Variants in PCSK1 observed in about 807,000 individuals in gnomAD.
The protein encoded by PCSK1 is neuroendocrine convertase 1.
A neutral mutation model predicts 90.6 loss-of-function variants in PCSK1; 56 were observed. The ratio of observed to expected loss-of-function variants is 0.62; its 90% CI spans 0.50 to 0.77. PCSK1 has a LOEUF of 0.77. PCSK1 is among the 30% of genes least tolerant of loss of function. The probability of loss-of-function intolerance (pLI) is 0.00; values close to 1 mark genes in which losing one functional copy is unlikely to be tolerated. For synonymous variants in PCSK1, 348 were observed against 342.4 expected (o/e 1.02, Z -0.18); for missense variants, 801 against 932.6 (o/e 0.86, Z 1.84).
At chr5:96,400,334 T>C (rs1301053052) in intron 9 of PCSK1, 148 bp from the exon 10 acceptor site, 1 of 674,508 alleles carries the variant, frequency 1.5e-6, no homozygotes, top group African/African-American at 1.8e-5. Flanking sequence ...TTACTGTTCA[T>C]ATATCTTTTC....
rs1580739908 is a variant in PCSK1, at chr5:96,391,161, C to T, written c.*1840G>A. The T allele has an allele frequency of 6.6e-6, 1 of 152,184 alleles. No individual in the cohort carries two copies. The highest frequency in any genetic ancestry group is 2.4e-5 in the African/African-American group (1 of 41,444). 9.4% of individuals were successfully genotyped at this position (152,184 alleles called of 1,614,324 possible). A position where few individuals can be genotyped will look rare whatever the true frequency, so the allele number is the denominator to read the frequency against. On this transcript the variant is annotated 3_prime_UTR_variant, in exon 14 of 14. Transcript: ENST00000311106. ...AACTTCCAAGGACAGAGTGATTCCG[C>T]AAGTCTTTTAGGAGAACATTCTCTA...
chr5:96,422,911 T>C (rs1331381844), intron 4 of PCSK1, among the ~76,000 whole-genome samples: 1 of 145,006 alleles, frequency 6.9e-6, no homozygotes, highest in Non-Finnish European at 1.5e-5. Flanking sequence ...CACATTCATA[T>C]AATTTTACAA....
chr5:96,429,447 T>G lies in PCSK1; in HGVS notation c.181-130A>C, dbSNP rs1761422158. The G allele has an allele frequency of 6.4e-6, 4 of 626,046 alleles. No individual in the cohort carries two copies. The Admixed American group carries it at 1.1e-4, about 18-fold the overall frequency. 38.8% of individuals were successfully genotyped at this position (626,046 alleles called of 1,614,324 possible). On this transcript the variant is annotated intron_variant, in intron 1 of 13. Transcript: ENST00000311106. ...CATTCCTGGTATCTGAAATTAATATTTTTTTTCTTTTTTTAAACTTTTAAG... is the reference window on the plus strand; with the variant it reads ...CATTCCTGGTATCTGAAATTAATATGTTTTTTCTTTTTTTAAACTTTTAAG...
Position 96,400,000 on chromosome 5 carries a change from C to T in PCSK1, c.1383G>A (p.Val461=), listed in dbSNP as rs770185993. 6.2e-7 allele frequency: 1 copy of T among 1,614,216 alleles called. No individual in the cohort carries two copies. Among genetic ancestry groups the T allele is most frequent in the South Asian group, 1.1e-5 (1 of 91,084 alleles). Residue 461 remains valine (V), a synonymous_variant, in exon 10 of 14, where the codon GTG becomes GTA. Transcript: ENST00000311106. ...DLADPRTWRS[V]PEKKECVVKD... ...TTACAACACACTCTTTCTTCTCAGG[C>T]ACGCTCCTCCAGGTCCTGGGGTCAG... is the stretch of plus-strand genomic sequence containing the variant.
chr5:96,410,972 C>A lies in PCSK1; in HGVS notation c.897G>T (p.Lys299Asn). Reference sequence around the variant, plus strand: ...CCGAAGCCCAGACGAAGATGGACCCCTTCCCCTGTCTCCCCTAAAGGAAAA... The same window carrying A: ...CCGAAGCCCAGACGAAGATGGACCCATTCCCCTGTCTCCCCTAAAGGAAAA... ...EYGVKQGRQG[K>N]GSIFVWASGN... The change falls in exon 8 of 14, where the codon AAG becomes AAT. Residue 299 changes from lysine (K) to asparagine (N), a missense_variant. Transcript: ENST00000311106. 6.2e-7 allele frequency: 1 copy of A among 1,612,960 alleles called. No individual in the cohort carries two copies. The highest frequency in any genetic ancestry group is 8.5e-7 in the Non-Finnish European group (1 of 1,179,484).
At chr5:96,399,808 C>T (rs1253928632) in intron 10 of PCSK1, 145 bp downstream of exon 10, 8 of 687,920 alleles carry the variant, frequency 1.2e-5, no homozygotes, top group Non-Finnish European at 2.1e-5. Flanking sequence ...AGTTAGTCCC[C>T]ATGGATACCC....
chr5:96,424,867 G>A (rs1334098595), intron 3 of PCSK1, among the ~76,000 whole-genome samples: 1 of 151,796 alleles, frequency 6.6e-6, no homozygotes, highest in Non-Finnish European at 1.5e-5. Context: ...AGAGGCTGAG[G>A]CAGGAGAATC....
chr5:96,400,146 A>G lies in PCSK1; in HGVS notation c.1237T>C (p.Trp413Arg), dbSNP rs749611664. The G allele has an allele frequency of 4.3e-6, 7 of 1,614,164 alleles. No individual in the cohort carries two copies. The highest frequency in any genetic ancestry group is 5.9e-6 in the Non-Finnish European group (7 of 1,179,984). The change falls in exon 10 of 14, where the codon TGG (tryptophan) becomes CGG (arginine). Residue 413 changes from tryptophan (W) to arginine (R), a missense_variant. By Grantham distance (101) the Trp-to-Arg change is moderately radical (BLOSUM62 -3). Transcript: ENST00000311106. Reference sequence around the variant, plus strand: ...GCCAGCGGGTCATACTCAGAGGTCCAGACAACCAGGTGCTGCATATCTCGC... The same window carrying G: ...GCCAGCGGGTCATACTCAGAGGTCCGGACAACCAGGTGCTGCATATCTCGC... ...TWRDMQHLVV[W>R]TSEYDPLANN...
At chr5:96,412,149 C>G (rs996890298) in intron 7 of PCSK1, among the ~76,000 whole-genome samples, 169 bp downstream of exon 7, 2 of 152,210 alleles carry the variant, frequency 1.3e-5, no homozygotes, top group African/African-American at 4.8e-5. Flanking sequence ...AGCCTTAACT[C>G]CCATCCCTCT....
At position 96,392,894 on chromosome 5, in the gene PCSK1, T is replaced by G. The variant is rs111754221; in HGVS notation, c.*107A>C. The G allele has an allele frequency of 1.6e-3, 1,785 of 1,118,576 alleles. 7 individuals are homozygous for G. Among genetic ancestry groups the G allele is most frequent in the Middle Eastern group, 5.1e-3 (26 of 5,070 alleles). The allele number at this position is 1,118,576 out of a possible 1,614,324, so 69.3% of individuals were successfully genotyped here. On this transcript the variant is annotated 3_prime_UTR_variant, in exon 14 of 14. Transcript: ENST00000311106. ...GAAAAAGAAAAGGTGCCACAAAGGA[T>G]ATTATAAGCATAAGAATTCATGACA... is the stretch of plus-strand genomic sequence containing the variant.
In PCSK1 at chr5:96,391,447, CAGA is replaced by C. The variant is rs1337225827; in HGVS notation, c.*1551_*1553del. On this transcript the variant is annotated 3_prime_UTR_variant, in exon 14 of 14. Coordinates refer to ENST00000311106, the MANE Select transcript of PCSK1 (RefSeq NM_000439.5). ...TGTAAGCATATTGAGAGAAGGAAGC[CAGA>C]AGGTTAGTAATAAATGAATTAGTAT... is the stretch of plus-strand genomic sequence containing the variant. 6.6e-6 allele frequency: 1 copy of C among 152,082 alleles called. No homozygotes were observed. Among genetic ancestry groups the C allele is most frequent in the Non-Finnish European group, 1.5e-5 (1 of 68,018 alleles). The allele number at this position is 152,082 out of a possible 1,614,324, so 9.4% of individuals were successfully genotyped here.
chr5:96,412,554 C>T (rs1019057736), intron 6 of PCSK1, 64 bp from the exon 7 acceptor site: 11 of 1,374,822 alleles, frequency 8.0e-6, no homozygotes, highest in Non-Finnish European at 1.1e-5. Context: ...GACAAAAGCC[C>T]AATACTCTTA....
chr5:96,412,850 G>T, intron 6 of PCSK1: 1 of 621,638 alleles, frequency 1.6e-6, no homozygotes, highest in Non-Finnish European at 2.1e-6. Context: ...CCTTGGATGA[G>T]AGGAAGTGGC....
chr5:96,427,830 G>A (rs1486344614), intron 2 of PCSK1, among the ~76,000 whole-genome samples: 1 of 152,194 alleles, frequency 6.6e-6, no homozygotes. Context: ...CGGGGACTAA[G>A]CCTAGCCAGA....
rs1381344199 is a variant in PCSK1 at position 96,425,049 on chromosome 5, AAAG to A, written c.396+768_396+770del. Among the ~76,000 whole-genome samples the A allele has an allele frequency of 6.2e-3, 895 of 143,834 alleles. 13 individuals are homozygous for A. Among genetic ancestry groups the A allele is most frequent in the African/African-American group, 0.022 (843 of 38,294 alleles). The allele number at this position is 143,834 out of a possible 152,430, so 94.4% of individuals were successfully genotyped here. On this transcript the variant is annotated intron_variant, in intron 3 of 13. Transcript: ENST00000311106. ...GAAAGAAAGAAAGAAAGAAAGAAAG[AAAG>A]AAAGAAAGAAAGAAAGAAAGAAAAC...
chr5:96,412,257 C>T (rs2112422020), intron 7 of PCSK1, 61 bp downstream of exon 7: 1 of 1,281,144 alleles, frequency 7.8e-7, no homozygotes, highest in Non-Finnish European at 1.1e-6. Context: ...GTGTTCTTTC[C>T]TTCTCCTCAT....
intron 2 of PCSK1, 32 bp downstream of exon 2, chr5:96,429,181 T>C (rs1761411624): frequency 9.5e-7 from 1 of 1,047,188 alleles, no homozygotes; most frequent in Non-Finnish European, 1.5e-6. Context: ...TAAGCTAGAG[T>C]ATTGGTTTGA....
At chr5:96,423,259 T>C (rs1257300039) in intron 4 of PCSK1, 54 bp downstream of exon 4, 1 of 1,546,056 alleles carries the variant, frequency 6.5e-7, no homozygotes, top group Non-Finnish European at 8.8e-7. Context: ...GCCCTAACTG[T>C]GTGTCTGCAC....
intron 12 of PCSK1, among the ~76,000 whole-genome samples, chr5:96,396,028 T>A (rs1349754049): frequency 6.6e-6 from 1 of 152,176 alleles, no homozygotes; most frequent in Non-Finnish European, 1.5e-5. Flanking sequence ...ATTTTCTTAG[T>A]TTCCTGATGG....
Sources: allele counts gnomAD v4.1 joint callset (sites outside exome capture counted in the v4.1 genomes callset), GRCh38; gene constraint gnomAD v4.1.1; transcripts MANE v1.5; gene names NCBI Gene and HGNC (gene_info 2026-07-23, HGNC 2026-07-21).